The following KDM6A variants were observed in gnomAD, a reference collection of about 807,000 sequenced individuals.
The protein encoded by KDM6A is lysine demethylase 6A.
Under a neutral mutation model 117.6 loss-of-function variants are expected in KDM6A, and 11 were observed. That is an observed-to-expected ratio of 0.09 (90% CI 0.06 to 0.15). The LOEUF is 0.15. KDM6A is among the 10% of genes least tolerant of loss of function. KDM6A has a pLI of 1.00. For synonymous variants in KDM6A, 384 were observed against 396.1 expected (o/e 0.97, Z 0.36); for missense variants, 799 against 1,077.3 (o/e 0.74, Z 3.62).
chrX:44,937,803 C>T (rs1345794477), intron 2 of KDM6A, among the ~76,000 whole-genome samples: 1 of 111,881 alleles, frequency 8.9e-6, no homozygotes, highest in Non-Finnish European at 1.9e-5. Flanking sequence ...AAGATAGAAG[C>T]CAAGATAGAC....
At chrX:44,874,490 A>G (rs2031261874) in intron 2 of KDM6A, among the ~76,000 whole-genome samples, 1 of 111,688 alleles carries the variant, frequency 9.0e-6, no homozygotes, top group Non-Finnish European at 1.9e-5. Flanking sequence ...TAGGTCGGTG[A>G]AGAGTTTGCA....
intron 2 of KDM6A, among the ~76,000 whole-genome samples, chrX:44,885,207 T>G (rs959717391): frequency 2.5e-4 from 27 of 106,894 alleles, no homozygotes; most frequent in African/African-American, 8.4e-4. Context: ...TTTTTTTTTT[T>G]GTAGAGATGA....
At chrX:44,933,617 G>T (rs972255488) in intron 2 of KDM6A, among the ~76,000 whole-genome samples, 1 of 109,015 alleles carries the variant, frequency 9.2e-6, no homozygotes, top group African/African-American at 3.4e-5. Context: ...TTGCTCTGTC[G>T]CCCAGGCTGG....
rs1156361064 is a variant in KDM6A at position 45,041,177 on chromosome X, A to ACC, written c.654+3495_654+3496dup. Reference sequence around the variant, plus strand: ...GGGCGGCTGGCCGGGCAGGGGGCTGACCCCCCCCTCCCCCCTCCCGGACGG... The same window carrying ACC: ...GGGCGGCTGGCCGGGCAGGGGGCTGACCCCCCCCCCTCCCCCCTCCCGGACGG... On this transcript the variant is annotated intron_variant, in intron 8 of 29. Coordinates refer to ENST00000611820, the MANE Select transcript of KDM6A (RefSeq NM_001291415.2). 5.6e-4 allele frequency among the ~76,000 whole-genome samples: 21 copies of ACC among 37,570 alleles called. 2 individuals carry two copies. The highest frequency in any genetic ancestry group is 3.0e-3 in the African/African-American group (20 of 6,657). The allele number at this position is 37,570 out of a possible 115,157, so 32.6% of individuals were successfully genotyped here.
chrX:44,907,811 A>G (rs1602140409), intron 2 of KDM6A, among the ~76,000 whole-genome samples: 1 of 84,389 alleles, frequency 1.2e-5, no homozygotes, highest in Non-Finnish European at 2.2e-5. Flanking sequence ...CTGTTGTTGT[A>G]TAGGTCACTG....
At chrX:44,891,838 CA>C (rs760330780) in intron 2 of KDM6A, among the ~76,000 whole-genome samples, 3 of 111,301 alleles carry the variant, frequency 2.7e-5, no homozygotes, top group Non-Finnish European at 5.7e-5. Context: ...CAGAGGAGAA[CA>C]AAGGAAGGAG....
intron 2 of KDM6A, among the ~76,000 whole-genome samples, chrX:44,934,755 G>T (rs1015714579): frequency 1.8e-5 from 2 of 111,254 alleles, no homozygotes; most frequent in Non-Finnish European, 3.8e-5. Flanking sequence ...AGAAGGGGAG[G>T]TGATAGAGGC....
At chrX:44,891,838 C>G (rs2033391003) in intron 2 of KDM6A, among the ~76,000 whole-genome samples, 1 of 111,301 alleles carries the variant, frequency 9.0e-6, no homozygotes, top group Non-Finnish European at 1.9e-5. Context: ...CAGAGGAGAA[C>G]AAAGGAAGGA....
At chrX:45,105,404 A>G (rs1224528659) in intron 27 of KDM6A, among the ~76,000 whole-genome samples, 2 of 111,293 alleles carry the variant, frequency 1.8e-5, no homozygotes, top group East Asian at 2.8e-4. Flanking sequence ...CTTTTATTAT[A>G]TTATTTTTGT....
At chrX:44,911,977 A>G (rs867247546) in intron 2 of KDM6A, among the ~76,000 whole-genome samples, 3 of 102,819 alleles carry the variant, frequency 2.9e-5, no homozygotes, top group East Asian at 3.5e-4. Flanking sequence ...GATGGTGGCA[A>G]TACAGTCCAG....
At chrX:44,905,113 GTCTTT>G (rs1303425540) in intron 2 of KDM6A, among the ~76,000 whole-genome samples, 1 of 111,678 alleles carries the variant, frequency 9.0e-6, no homozygotes, top group Non-Finnish European at 1.9e-5. Context: ...TTTTAAATAT[GTCTTT>G]TCTTCTATGT....
intron 8 of KDM6A, among the ~76,000 whole-genome samples, chrX:45,046,777 TGTG>T (rs2043554812): frequency 1.8e-5 from 2 of 111,665 alleles, no homozygotes; most frequent in South Asian, 7.5e-4. Context: ...TAATTAAAAA[TGTG>T]GTACTGGCAT....
chrX:44,923,664 C>A (rs1287053762), intron 2 of KDM6A, among the ~76,000 whole-genome samples: 1 of 107,205 alleles, frequency 9.3e-6, no homozygotes, highest in African/African-American at 3.4e-5. Context: ...CCTGCCTCAG[C>A]CTCCTGAGTA....
At chrX:45,007,970 T>C (rs1272781365) in intron 4 of KDM6A, among the ~76,000 whole-genome samples, 1 of 111,960 alleles carries the variant, frequency 8.9e-6, no homozygotes, top group Non-Finnish European at 1.9e-5. Context: ...TACTGTTACA[T>C]AATAATGTCA....
At chrX:44,909,248 C>T (rs762913864) in intron 2 of KDM6A, among the ~76,000 whole-genome samples, 7 of 111,943 alleles carry the variant, frequency 6.3e-5, no homozygotes, top group Non-Finnish European at 1.3e-4. Flanking sequence ...ATTTGAGATT[C>T]ATCCTTCTTA....
chrX:45,109,711 A>G (rs754689342), intron 28 of KDM6A, among the ~76,000 whole-genome samples: 1 of 111,676 alleles, frequency 9.0e-6, no homozygotes, highest in South Asian at 3.8e-4. Flanking sequence ...TATTTCTAAA[A>G]TCATGCTGTA....
chrX:44,902,778 C>A (rs921845658), intron 2 of KDM6A, among the ~76,000 whole-genome samples: 3 of 111,992 alleles, frequency 2.7e-5, no homozygotes, highest in Non-Finnish European at 5.6e-5. Context: ...AATAATAGAA[C>A]TTTATTTCTC....
chrX:45,071,915 C>T (rs778338317), intron 18 of KDM6A, among the ~76,000 whole-genome samples: 1 of 110,867 alleles, frequency 9.0e-6, no homozygotes, highest in Non-Finnish European at 1.9e-5. Flanking sequence ...GGTGGGATTA[C>T]AGGCATGCAG....
rs78749806 is a variant in KDM6A, at chrX:45,047,674, C to CTTTTTTTTTTTTTTTTTTTT, written c.655-4025_655-4006dup. ...TCAAATATCTGCTTGCTTTTTTTTT[C>CTTTTTTTTTTTTTTTTTTTT]TTTTTTTTTTTTTTTTTTTTTTTTT... is the stretch of plus-strand genomic sequence containing the variant. On this transcript the variant is annotated intron_variant, in intron 8 of 29. Transcript: ENST00000611820. 8.3e-5 allele frequency among the ~76,000 whole-genome samples: 3 copies of CTTTTTTTTTTTTTTTTTTTT among 36,360 alleles called. 1 individual carries two copies. Among genetic ancestry groups the CTTTTTTTTTTTTTTTTTTTT allele is most frequent in the Non-Finnish European group, 1.0e-4 (2 of 19,605 alleles). 31.6% of individuals were successfully genotyped at this position (36,360 alleles called of 115,157 possible). A position where few individuals can be genotyped will look rare whatever the true frequency, so the allele number is the denominator to read the frequency against.
Sources: allele counts gnomAD v4.1 joint callset (sites outside exome capture counted in the v4.1 genomes callset), GRCh38; gene constraint gnomAD v4.1.1; transcripts MANE v1.5; gene names NCBI Gene and HGNC (gene_info 2026-07-23, HGNC 2026-07-21).